ZNF469: variants seen among roughly 807,000 people sequenced by gnomAD.
ZNF469 encodes zinc finger protein 469.
ZNF469 carries 1 observed loss-of-function variant against 1.0 expected under a neutral mutation model. The observed-to-expected ratio is 1.00, with a 90% CI of 0.35 to 4.73. The LOEUF is 4.73. Among genes scored for constraint, ZNF469 ranks in the 30% most tolerant of loss-of-function variants. The pLI is 0.16. For missense variants in ZNF469, 6,100 were observed against 5,356.3 expected (o/e 1.14, Z -4.33); for synonymous variants, 2,703 against 2,363.4 (o/e 1.14, Z -4.17).
the ZNF469 span, among the ~76,000 whole-genome samples, chr16:88,119,663 C>T: frequency 2.0e-5 from 3 of 152,152 alleles, no homozygotes; most frequent in African/African-American, 7.2e-5. Flanking sequence ...CGGGTCCAGC[C>T]GTTTGGGTGG....
the ZNF469 span, among the ~76,000 whole-genome samples, chr16:88,244,953 C>T: frequency 2.6e-5 from 4 of 151,806 alleles, no homozygotes; most frequent in Non-Finnish European, 4.4e-5. Flanking sequence ...ACCAATATAT[C>T]ACTGCTAAAA....
chr16:88,357,627 G>A, the ZNF469 span, among the ~76,000 whole-genome samples: 8 of 152,198 alleles, frequency 5.3e-5, no homozygotes, highest in African/African-American at 7.2e-5. Flanking sequence ...GAGGGGAAGA[G>A]GGGGGGCCCG....
chr16:88,174,935 C>G, the ZNF469 span, among the ~76,000 whole-genome samples: 1 of 90,218 alleles, frequency 1.1e-5, no homozygotes, highest in African/African-American at 3.0e-5. Context: ...ATTCTAGGGT[C>G]AACCGTGTGT....
At chr16:88,123,044 T>TTATA in the ZNF469 span, among the ~76,000 whole-genome samples, 7 of 152,174 alleles carry the variant, frequency 4.6e-5, no homozygotes, top group Non-Finnish European at 1.0e-4. Context: ...TGGCTATCAC[T>TTATA]TTTATTTATT....
At position 88,438,035 on chromosome 16, in the gene ZNF469, G is replaced by T. The variant is rs1419138322; in HGVS notation, c.10565G>T (p.Gly3522Val). 1 of 1,550,036 alleles carries T rather than the reference G, an allele frequency of 6.5e-7. No homozygotes were observed. The highest frequency in any genetic ancestry group is 1.4e-5 in the African/African-American group (1 of 73,046). The part of the protein sequence containing the change: ...CSEVAPSTTK[G>V]WPETLERPVD... Reference sequence around the variant, plus strand: ...GAGGTGGCTCCCAGCACCACCAAGGGATGGCCCGAGACCCTAGAGAGGCCT... The same window carrying T: ...GAGGTGGCTCCCAGCACCACCAAGGTATGGCCCGAGACCCTAGAGAGGCCT... The change falls in exon 3 of 3, where the codon GGA becomes GTA. Residue 3522 changes from glycine (G) to valine (V), a missense_variant. By Grantham distance (109) the Gly-to-Val change is moderately radical (BLOSUM62 -3). Coordinates refer to ENST00000565624, the MANE Select transcript of ZNF469 (RefSeq NM_001367624.2).
the ZNF469 span, among the ~76,000 whole-genome samples, chr16:88,209,879 T>C: frequency 6.6e-6 from 1 of 152,262 alleles, no homozygotes; most frequent in African/African-American, 2.4e-5. Flanking sequence ...AACCTGTGCA[T>C]CTGTTTTTTT....
intron 1 of ZNF469, among the ~76,000 whole-genome samples, chr16:88,392,397 T>C (rs1443358749): frequency 6.6e-6 from 1 of 152,248 alleles, no homozygotes; most frequent in East Asian, 1.9e-4. Context: ...CCCAGCCTTC[T>C]CACGCCTGAC....
chr16:88,301,142 C>T, the ZNF469 span, among the ~76,000 whole-genome samples: 3 of 145,798 alleles, frequency 2.1e-5, no homozygotes, highest in Non-Finnish European at 3.0e-5. Flanking sequence ...ATAACTCCGA[C>T]GCACAGTGGC....
the ZNF469 span, among the ~76,000 whole-genome samples, chr16:88,277,406 A>T: frequency 5.4e-5 from 6 of 111,876 alleles, no homozygotes; most frequent in Admixed American, 4.5e-4. Context: ...GGTCAGTACC[A>T]TGTAGATATC....
chr16:88,382,835 C>A (rs1195338563), upstream of ZNF469, among the ~76,000 whole-genome samples: 1 of 152,078 alleles, frequency 6.6e-6, no homozygotes, highest in East Asian at 1.9e-4. Context: ...TGCCTCAGGG[C>A]CCCCCATCGC....
the ZNF469 span, among the ~76,000 whole-genome samples, chr16:88,174,384 T>C: frequency 6.6e-6 from 1 of 151,924 alleles, no homozygotes; most frequent in Non-Finnish European, 1.5e-5. Context: ...AATAGAAAAA[T>C]TCAAAATTAT....
the ZNF469 span, among the ~76,000 whole-genome samples, chr16:88,201,224 C>T: frequency 6.6e-5 from 10 of 152,348 alleles, no homozygotes; most frequent in African/African-American, 1.9e-4. The surrounding 1 kb of genome is among the most constrained non-coding windows in gnomAD (Gnocchi z 5.0). Flanking sequence ...TAGTTCTCTG[C>T]ATTGTGTCTT....
At chr16:88,105,052 C>A in the ZNF469 span, among the ~76,000 whole-genome samples, 3 of 152,092 alleles carry the variant, frequency 2.0e-5, no homozygotes, top group Non-Finnish European at 2.9e-5. Context: ...CCTATCTCTA[C>A]AAGAAACAAT....
intron 1 of ZNF469, among the ~76,000 whole-genome samples, chr16:88,397,673 GA>G (rs1256106120): frequency 1.3e-5 from 2 of 150,138 alleles, no homozygotes; most frequent in African/African-American, 5.0e-5. Flanking sequence ...TAGATAGATA[GA>G]TAGATAGATG....
At chr16:88,269,943 C>A in the ZNF469 span, among the ~76,000 whole-genome samples, 1 of 152,094 alleles carries the variant, frequency 6.6e-6, no homozygotes, top group African/African-American at 2.4e-5. Flanking sequence ...GGAGCCCCGG[C>A]TCCTTTAGAG....
chr16:88,413,643 A>G (rs1478512349), intron 1 of ZNF469, among the ~76,000 whole-genome samples: 1 of 152,212 alleles, frequency 6.6e-6, no homozygotes, highest in African/African-American at 2.4e-5. Flanking sequence ...AGGTTCAGTC[A>G]GTCCCGCCAT....
the ZNF469 span, among the ~76,000 whole-genome samples, chr16:88,185,903 CACAG>C: frequency 1.6e-4 from 25 of 152,234 alleles, no homozygotes; most frequent in African/African-American, 4.3e-4. Context: ...TGCGCAGACC[CACAG>C]ACACACACAT....
the ZNF469 span, among the ~76,000 whole-genome samples, chr16:88,185,798 C>G: frequency 6.7e-6 from 1 of 150,016 alleles, no homozygotes; most frequent in African/African-American, 2.5e-5. Flanking sequence ...GAATATAGTA[C>G]TCGCACACAC....
At chr16:88,245,422 G>A in the ZNF469 span, among the ~76,000 whole-genome samples, 1 of 152,264 alleles carries the variant, frequency 6.6e-6, no homozygotes, top group African/African-American at 2.4e-5. Context: ...TCTCCCTCCT[G>A]GACCGTCCTC....
Sources: gnomAD v4.1 joint callset for allele counts (sites outside exome capture counted in the v4.1 genomes callset) on GRCh38, gnomAD v4.1.1 for gene constraint, Gnocchi (gnomAD v3.1) non-coding constraint, MANE v1.5 for transcripts, NCBI Gene and HGNC (gene_info 2026-07-23, HGNC 2026-07-21) for gene names.